Variants in GCA observed in about 807,000 individuals in gnomAD.
The protein encoded by GCA is grancalcin.
In GCA, 30 loss-of-function variants were observed where a neutral mutation model predicts 32.6. The observed-to-expected ratio is 0.92, with a 90% CI of 0.69 to 1.25. The LOEUF (loss-of-function observed/expected upper bound fraction) is 1.25, where lower values mean the gene tolerates loss of function less well. Ranked by LOEUF, GCA falls within the 50% of genes most tolerant of loss-of-function variation. The pLI, the probability that GCA is intolerant of heterozygous loss-of-function variation, is 0.00. For synonymous variants in GCA, 102 were observed against 84.6 expected, an observed-to-expected ratio of 1.21 and a Z score of -1.13; for missense variants, 291 against 266.8, an observed-to-expected ratio of 1.09 and a Z score of -0.63.
In GCA at chr2:162,356,940, C is replaced by T. The variant is rs545037818; in HGVS notation, c.454+35C>T. On this transcript the variant is annotated intron_variant, in intron 5 of 7. Transcript: ENST00000437150. ...TTAACATTCTTTAGAATCTATAAAG[C>T]TAATCTTTGTTCTTTGATTAGATGA... 5 of 1,449,946 alleles carry T rather than the reference C, an allele frequency of 3.4e-6. No homozygotes were observed. In the Admixed American group the frequency reaches 9.4e-5, roughly 27 times the overall value. The allele number at this position is 1,449,946 out of a possible 1,614,324, so 89.8% of individuals were successfully genotyped here.
At chr2:162,345,483 G>C (rs542302316) in intron 1 of GCA, among the ~76,000 whole-genome samples, 76 of 152,286 alleles carry the variant, frequency 5.0e-4, no homozygotes, top group Middle Eastern at 3.4e-3. Context: ...ATGTATGGTA[G>C]AGTGAGGTGG....
chr2:162,356,667 A>G lies in GCA; in HGVS notation c.307-91A>G, dbSNP rs1685286971. The G allele has an allele frequency of 4.0e-6, 4 of 1,001,076 alleles. No homozygotes were observed. In the Admixed American group the frequency reaches 6.6e-5, roughly 17 times the overall value. 62.0% of individuals were successfully genotyped at this position (1,001,076 alleles called of 1,614,324 possible). On this transcript the variant is annotated intron_variant, in intron 4 of 7. Transcript: ENST00000437150. ...TCTGTTCATATAATGAGTTTGGCTAAGTCTACAGAAGCATACTCATGTTTT... is the reference window on the plus strand; with the variant it reads ...TCTGTTCATATAATGAGTTTGGCTAGGTCTACAGAAGCATACTCATGTTTT...
chr2:162,359,407 A>C (rs1483437137), intron 6 of GCA, 87 bp from the exon 7 acceptor site: 1 of 644,100 alleles, frequency 1.6e-6, no homozygotes, highest in African/African-American at 1.9e-5. Context: ...TGAATATGAA[A>C]TTATTCTTTT....
chr2:162,322,275 C>T (rs575539722), intron 1 of GCA, among the ~76,000 whole-genome samples: 1 of 151,664 alleles, frequency 6.6e-6, no homozygotes, highest in East Asian at 1.9e-4. Flanking sequence ...ATTCATTTTT[C>T]AAGTACTCCT....
chr2:162,326,911 A>G (rs1558884023), intron 1 of GCA, among the ~76,000 whole-genome samples: 4 of 152,196 alleles, frequency 2.6e-5, no homozygotes, highest in Admixed American at 2.6e-4. Flanking sequence ...CCTGAGCCCC[A>G]GAGACCTTGG....
At position 162,356,866 on chromosome 2, in the gene GCA, G is replaced by A; in HGVS notation, c.415G>A (p.Val139Ile). The change falls in exon 5 of 8, where the codon GTA becomes ATA. Residue 139 changes from valine to isoleucine, a missense_variant. Val to Ile is a conservative substitution (Grantham distance 29). Coordinates refer to ENST00000437150, the MANE Select transcript of GCA (RefSeq NM_012198.5). ...TGTTGATCAAGATGGAAGTGGCACAGTAGAACATCATGAGTTGCGTCAAGC... is the reference window on the plus strand; with the variant it reads ...TGTTGATCAAGATGGAAGTGGCACAATAGAACATCATGAGTTGCGTCAAGC... ...MTVDQDGSGTVEHHELRQAIG... is the reference protein window; with the variant it reads ...MTVDQDGSGTIEHHELRQAIG... 6.2e-7 allele frequency: 1 copy of A among 1,610,072 alleles called. No homozygotes were observed. The highest frequency in any genetic ancestry group is 1.3e-5 in the African/African-American group (1 of 74,928).
At chr2:162,331,031 A>G (rs1684061233) in intron 1 of GCA, among the ~76,000 whole-genome samples, 1 of 152,250 alleles carries the variant, frequency 6.6e-6, no homozygotes, top group South Asian at 2.1e-4. Context: ...TACCTGAACA[A>G]AGCTTACCTA....
In GCA at chr2:162,360,469, A is replaced by G. The variant is rs191008896; in HGVS notation, c.*226A>G. 6 of 1,009,372 alleles carry G rather than the reference A, an allele frequency of 5.9e-6. No individual in the cohort carries two copies. The highest frequency in any genetic ancestry group is 3.4e-4 in the Middle Eastern group (1 of 2,928). The allele number at this position is 1,009,372 out of a possible 1,614,324, so 62.5% of individuals were successfully genotyped here. On this transcript the variant is annotated 3_prime_UTR_variant, in exon 8 of 8. Coordinates refer to ENST00000437150, the MANE Select transcript of GCA (RefSeq NM_012198.5). Reference sequence around the variant, plus strand: ...GAAAAGTTATTTTATAAATATGTGCATATTGTCATAAAATATTGTATGATT... The same window carrying G: ...GAAAAGTTATTTTATAAATATGTGCGTATTGTCATAAAATATTGTATGATT...
Position 162,361,622 on chromosome 2 carries a change from A to C in GCA, c.*1379A>C. On this transcript the variant is annotated 3_prime_UTR_variant, in exon 8 of 8. Transcript: ENST00000437150. ...AAAAATCCTGGAAAGGAAGTAACGC[A>C]TAGTCACTTGACACTGATAATTTTA... The C allele has an allele frequency of 1.0e-6, 1 of 982,370 alleles. No homozygotes were observed. The highest frequency in any genetic ancestry group is 1.2e-6 in the Non-Finnish European group (1 of 827,314). 60.9% of individuals were successfully genotyped at this position (982,370 alleles called of 1,614,324 possible).
chr2:162,375,018 T>C (rs1686111253), downstream of GCA, among the ~76,000 whole-genome samples: 1 of 152,182 alleles, frequency 6.6e-6, no homozygotes. Context: ...CTGTTATGTG[T>C]TATACATATT....
chr2:162,345,131 G>GGTGGTGGTTGTGGTT (rs146219747), intron 1 of GCA, among the ~76,000 whole-genome samples: 38 of 144,220 alleles, frequency 2.6e-4, no homozygotes, highest in Admixed American at 2.5e-3. Context: ...TGGTGGTGGT[G>GGTGGTGGTTGTGGTT]GTGGTTGTGG....
intron 1 of GCA, among the ~76,000 whole-genome samples, chr2:162,337,870 G>A (rs964373587): frequency 7.2e-5 from 11 of 152,270 alleles, no homozygotes; most frequent in African/African-American, 2.6e-4. Context: ...AACTACACAA[G>A]CACTGGTGAT....
At chr2:162,351,971 C>T (rs968733453) in intron 2 of GCA, among the ~76,000 whole-genome samples, 3 of 152,074 alleles carry the variant, frequency 2.0e-5, no homozygotes, top group African/African-American at 7.2e-5. Context: ...ATAATCTCCT[C>T]CCAAAACAGC....
downstream of GCA, chr2:162,372,136 TGATA>T (rs777037992): frequency 4.0e-5 from 58 of 1,464,054 alleles, no homozygotes; most frequent in South Asian, 4.9e-5. Flanking sequence ...TAATTCACAT[TGATA>T]GATAGTCATT....
chr2:162,328,218 CAAAAAAAA>C (rs35156397), intron 1 of GCA, among the ~76,000 whole-genome samples: 18 of 90,048 alleles, frequency 2.0e-4, no homozygotes, highest in Non-Finnish European at 2.6e-4. Context: ...CTGTTTCTAC[CAAAAAAAA>C]AAAAAAAAAA....
At chr2:162,344,365 C>A in intron 1 of GCA, 90 bp downstream of exon 1, 1 of 1,254,988 alleles carries the variant, frequency 8.0e-7, no homozygotes, top group Non-Finnish European at 1.1e-6. Context: ...GCCCTTGGCT[C>A]CTGCTCCCTG....
chr2:162,352,415 C>A lies in GCA; in HGVS notation c.262+8C>A, dbSNP rs368698460. ...TTAATGGAACTTACTCTCGTGAGAT[C>A]TTTTTTCCCCTTTTGTTGAAATTAT... On this transcript the variant is annotated splice_region_variant and intron_variant, in intron 3 of 7. Transcript: ENST00000437150. The A allele has an allele frequency of 1.4e-5, 21 of 1,460,672 alleles. No homozygotes were observed. The African/African-American group carries it at 1.8e-4, about 13-fold the overall frequency. The allele number at this position is 1,460,672 out of a possible 1,614,324, so 90.5% of individuals were successfully genotyped here. A position where few individuals can be genotyped will look rare whatever the true frequency, so the allele number is the denominator to read the frequency against.
At chr2:162,335,618 C>T (rs970621573) in intron 1 of GCA, among the ~76,000 whole-genome samples, 1 of 151,980 alleles carries the variant, frequency 6.6e-6, no homozygotes, top group Non-Finnish European at 1.5e-5. Flanking sequence ...TAAAGCTAGC[C>T]CAGGACTTTG....
At chr2:162,339,246 A>G (rs868704427), upstream of GCA, among the ~76,000 whole-genome samples, 1 of 152,162 alleles carries the variant, frequency 6.6e-6, no homozygotes, top group South Asian at 2.1e-4. Context: ...TTCACTTGAT[A>G]GTGTCATATT....
Sources: gnomAD v4.1 joint callset for allele counts (sites outside exome capture counted in the v4.1 genomes callset) on GRCh38, gnomAD v4.1.1 for gene constraint, MANE v1.5 for transcripts, NCBI Gene and HGNC (gene_info 2026-07-23, HGNC 2026-07-21) for gene names.